The following METTL21A variants were observed in gnomAD, a reference collection of about 807,000 sequenced individuals.
METTL21A encodes the protein methyltransferase 21A, HSPA lysine.
Under a neutral mutation model 20.9 loss-of-function variants are expected in METTL21A, and 22 were observed. That is an observed-to-expected ratio of 1.05 (90% CI 0.75 to 1.50). The LOEUF is 1.50. METTL21A is among the 40% of genes most tolerant of loss of function. The pLI is 0.00. For missense variants in METTL21A, 271 were observed against 266.8 expected, an observed-to-expected ratio of 1.02 and a Z score of -0.11; for synonymous variants, 93 against 102.0, an observed-to-expected ratio of 0.91 and a Z score of 0.53.
chr2:207,618,557 G>C (rs1023403468), intron 3 of METTL21A, among the ~76,000 whole-genome samples: 20 of 152,038 alleles, frequency 1.3e-4, no homozygotes, highest in African/African-American at 4.8e-4. Flanking sequence ...AAAAAAATTA[G>C]CCTGGTGCAG....
downstream of METTL21A, among the ~76,000 whole-genome samples, chr2:207,604,889 A>G (rs2087827264): frequency 6.6e-6 from 1 of 152,202 alleles, no homozygotes; most frequent in African/African-American, 2.4e-5. Context: ...CCATTGTAAC[A>G]TGTTATCACT....
intron 3 of METTL21A, among the ~76,000 whole-genome samples, chr2:207,592,702 C>G (rs995149366): frequency 6.6e-6 from 1 of 152,022 alleles, no homozygotes; most frequent in Non-Finnish European, 1.5e-5. Context: ...AGGCGGATCA[C>G]GAGGTCAGGA....
intron 3 of METTL21A, chr2:207,597,715 A>G (rs2086399746): frequency 1.5e-5 from 3 of 206,256 alleles, no homozygotes; most frequent in Non-Finnish European, 3.0e-5. Flanking sequence ...GCTCTTCCAT[A>G]GGGCAGTTGT....
downstream of METTL21A, among the ~76,000 whole-genome samples, chr2:207,608,814 C>A (rs569685964): frequency 7.9e-5 from 12 of 152,300 alleles, no homozygotes; most frequent in Admixed American, 7.8e-4. Flanking sequence ...GTAGTCCCAG[C>A]TACTCGGGAG....
At chr2:207,601,649 G>A (rs1425091748) in intron 3 of METTL21A, 1 of 211,710 alleles carries the variant, frequency 4.7e-6, no homozygotes, top group Non-Finnish European at 9.5e-6. Context: ...AATAGTACAA[G>A]ACTTTTTAAA....
chr2:207,595,250 T>C (rs1018571290), intron 3 of METTL21A, among the ~76,000 whole-genome samples: 2 of 152,008 alleles, frequency 1.3e-5, no homozygotes, highest in African/African-American at 4.8e-5. Context: ...CGCCTCTGCC[T>C]CCCAAAGTGC....
chr2:207,592,818 C>G (rs545679986), intron 3 of METTL21A, among the ~76,000 whole-genome samples: 120 of 151,248 alleles, frequency 7.9e-4, no homozygotes, highest in African/African-American at 2.8e-3. Context: ...GAGGCTGAGG[C>G]AAGGGAATTG....
At chr2:207,597,191 A>C (rs1441213662) in intron 3 of METTL21A, 1 of 930,714 alleles carries the variant, frequency 1.1e-6, no homozygotes, top group African/African-American at 1.7e-5. Flanking sequence ...AAGCAACTAC[A>C]GAATTTCATT....
At chr2:207,594,001 C>G (rs2085615174) in intron 3 of METTL21A, among the ~76,000 whole-genome samples, 1 of 152,080 alleles carries the variant, frequency 6.6e-6, no homozygotes, top group East Asian at 1.9e-4. Flanking sequence ...CCTGGGATTA[C>G]AGGGGTGAGC....
At chr2:207,582,849 C>T in intron 3 of METTL21A, 1 of 335,652 alleles carries the variant, frequency 3.0e-6, no homozygotes, top group South Asian at 2.3e-5. Context: ...GCTGAGATGG[C>T]ACTACTACTC....
At chr2:207,617,903 G>C (rs535601500) in intron 3 of METTL21A, among the ~76,000 whole-genome samples, 1 of 152,262 alleles carries the variant, frequency 6.6e-6, no homozygotes, top group East Asian at 1.9e-4. Context: ...AAGGAGTTGG[G>C]TGGGGGCGGT....
intron 3 of METTL21A, 90 bp from the exon 4 acceptor site, chr2:207,613,533 T>C: frequency 1.6e-6 from 2 of 1,222,304 alleles, no homozygotes; most frequent in Non-Finnish European, 2.3e-6. Flanking sequence ...GAGTGTCTCT[T>C]AAATATTGCA....
intron 3 of METTL21A, among the ~76,000 whole-genome samples, chr2:207,618,156 G>A (rs554119797): frequency 6.6e-6 from 1 of 152,204 alleles, no homozygotes; most frequent in East Asian, 1.9e-4. Flanking sequence ...AGCCTTGGCT[G>A]GGCATCAAAT....
intron 3 of METTL21A, among the ~76,000 whole-genome samples, chr2:207,615,131 T>G (rs1198546963): frequency 2.0e-5 from 3 of 152,224 alleles, no homozygotes; most frequent in Non-Finnish European, 4.4e-5. Context: ...GACAGTGTGT[T>G]GCCCAATGGA....
chr2:207,582,534 A>G lies in METTL21A; in HGVS notation c.260-374T>C, dbSNP rs182079179. Among the ~76,000 whole-genome samples the G allele has an allele frequency of 2.6e-4, 40 of 152,254 alleles. No homozygotes were observed. The South Asian group carries it at 7.0e-3, about 27-fold the overall frequency. ...CTAGCTTTGGCTACTGGGATCTTTT[A>G]TAAGTGTCTTCTGTGTCCTTTTGAC... is the stretch of plus-strand genomic sequence containing the variant. On this transcript the variant is annotated intron_variant, in intron 3 of 3. Coordinates refer to the METTL21A transcript ENST00000425132.
chr2:207,590,082 AGTT>A (rs2084686255), intron 3 of METTL21A, among the ~76,000 whole-genome samples: 1 of 95,562 alleles, frequency 1.0e-5, no homozygotes. Flanking sequence ...TATTTTGAGA[AGTT>A]TTTTTTTTTT....
At chr2:207,582,327 T>G (rs1048351929) in intron 3 of METTL21A, among the ~76,000 whole-genome samples, 2 of 152,228 alleles carry the variant, frequency 1.3e-5, no homozygotes, top group African/African-American at 4.8e-5. Flanking sequence ...CTACAGTAAT[T>G]ATTACTATTT....
chr2:207,622,935 T>C (rs1462816936), intron 2 of METTL21A, among the ~76,000 whole-genome samples: 2 of 151,680 alleles, frequency 1.3e-5, no homozygotes, highest in Non-Finnish European at 2.9e-5. Context: ...TGAGATGTAG[T>C]CTCACTCTGT....
chr2:207,590,082 AGTTT>A lies in METTL21A; in HGVS notation c.260-7926_260-7923del, dbSNP rs1214834246. The stretch of plus-strand genomic sequence containing the variant: ...AGGCCTGGAGTTTTCTATTTTGAGA[AGTTT>A]TTTTTTTTTTTTTTTTTTTTTAATA... On this transcript the variant is annotated intron_variant, in intron 3 of 3. Transcript: ENST00000425132. Among the ~76,000 whole-genome samples, 61 of 95,576 alleles carry A rather than the reference AGTTT, an allele frequency of 6.4e-4. 1 individual carries two copies. Among genetic ancestry groups the A allele is most frequent in the Middle Eastern group, 6.1e-3 (1 of 164 alleles). The allele number at this position is 95,576 out of a possible 152,430, so 62.7% of individuals were successfully genotyped here. A position where few individuals can be genotyped will look rare whatever the true frequency, so the allele number is the denominator to read the frequency against.
Sources: allele counts gnomAD v4.1 joint callset (sites outside exome capture counted in the v4.1 genomes callset), GRCh38; gene constraint gnomAD v4.1.1; transcripts MANE v1.5; gene names NCBI Gene and HGNC (gene_info 2026-07-23, HGNC 2026-07-21).